LINC00632: variants seen among roughly 807,000 people sequenced by gnomAD.
The protein encoded by LINC00632 is long independently transcribed non-coding RNA 632.
chrX:140,746,098 GTATATATT>G (rs1260726596), intron 3 of LINC00632, among the ~76,000 whole-genome samples: 1 of 112,077 alleles, frequency 8.9e-6, no homozygotes. Flanking sequence ...AACTGTAGTA[GTATATATT>G]TATGGGGTAC....
exon 5 of LINC00632, among the ~76,000 whole-genome samples, chrX:140,780,896 C>T (rs140013227): frequency 8.4e-4 from 93 of 110,841 alleles, no homozygotes; most frequent in African/African-American, 4.6e-4. Context: ...ATTAGCCTCA[C>T]ATCCCAACCC....
intron 2 of LINC00632, among the ~76,000 whole-genome samples, chrX:140,724,198 A>G (rs1930851919): frequency 1.9e-5 from 1 of 51,321 alleles, no homozygotes; most frequent in African/African-American, 6.8e-5. Flanking sequence ...GTACACACAG[A>G]CACACATTCC....
chrX:140,717,070 C>T (rs778886546), intron 2 of LINC00632, among the ~76,000 whole-genome samples: 6 of 109,885 alleles, frequency 5.5e-5, no homozygotes, highest in South Asian at 8.1e-4. Context: ...CTGCAGCCTC[C>T]GCCTCCCAGG....
chrX:140,725,444 CACAT>C (rs1930942864), intron 2 of LINC00632, among the ~76,000 whole-genome samples: 2 of 110,313 alleles, frequency 1.8e-5, no homozygotes, highest in African/African-American at 6.5e-5. Flanking sequence ...TCCATGCACA[CACAT>C]AGACTCATTC....
chrX:140,742,154 A>G (rs1016069509), intron 3 of LINC00632, among the ~76,000 whole-genome samples: 1 of 111,938 alleles, frequency 8.9e-6, no homozygotes, highest in Admixed American at 9.5e-5. Flanking sequence ...TCTTACCTAA[A>G]GAAAGCTTTC....
exon 5 of LINC00632, among the ~76,000 whole-genome samples, chrX:140,788,405 A>T (rs1480138527): frequency 9.0e-6 from 1 of 110,562 alleles, no homozygotes; most frequent in African/African-American, 3.3e-5. Flanking sequence ...CAATCTAAGG[A>T]TTATTAATCC....
chrX:140,776,272 CTCG>C (rs1380690642), exon 5 of LINC00632, among the ~76,000 whole-genome samples: 1 of 86,697 alleles, frequency 1.2e-5, no homozygotes, highest in Non-Finnish European at 2.6e-5. Flanking sequence ...GAAAATTGGC[CTCG>C]GCCAGAAAGG....
At chrX:140,764,739 G>A (rs1237669395) in intron 3 of LINC00632, 1 of 112,013 alleles carries the variant, frequency 8.9e-6, no homozygotes, top group African/African-American at 3.2e-5. Context: ...AACCAAGCTT[G>A]TTTCCCTGGC....
rs1046689928 is a variant in LINC00632 at position 140,730,010 on chromosome X, G to A, written n.105-3868G>A. Among the ~76,000 whole-genome samples the A allele has an allele frequency of 8.2e-4, 89 of 108,094 alleles. 1 individual carries two copies. The highest frequency in any genetic ancestry group is 1.5e-3 in the Non-Finnish European group (79 of 52,331). The allele number at this position is 108,094 out of a possible 115,157, so 93.9% of individuals were successfully genotyped here. On this transcript the variant is annotated intron_variant and non_coding_transcript_variant, in intron 2 of 4. Coordinates refer to ENST00000648200, the Ensembl canonical transcript of LINC00632. Reference sequence around the variant, plus strand: ...TCCTGCCTCAGCCTCCCCAGTAGCTGAGACTACAGGCGCACGCCACCGTGC... The same window carrying A: ...TCCTGCCTCAGCCTCCCCAGTAGCTAAGACTACAGGCGCACGCCACCGTGC...
chrX:140,717,787 A>T (rs899321842), intron 2 of LINC00632, among the ~76,000 whole-genome samples: 2 of 111,717 alleles, frequency 1.8e-5, no homozygotes, highest in South Asian at 7.5e-4. Flanking sequence ...CAGTTTTCTC[A>T]GCTACTTGTT....
exon 5 of LINC00632, among the ~76,000 whole-genome samples, chrX:140,785,574 G>A (rs1182916032): frequency 1.8e-5 from 2 of 112,108 alleles, no homozygotes; most frequent in Non-Finnish European, 3.8e-5. Context: ...AAATGGTCTC[G>A]CTTGATCCTG....
chrX:140,761,272 G>C (rs1203138786), intron 3 of LINC00632, among the ~76,000 whole-genome samples: 2 of 112,546 alleles, frequency 1.8e-5, no homozygotes, highest in African/African-American at 6.5e-5. Flanking sequence ...CTGATGGGTT[G>C]CCCTAACCTT....
exon 5 of LINC00632, among the ~76,000 whole-genome samples, chrX:140,786,237 T>C (rs973880150): frequency 8.9e-6 from 1 of 112,427 alleles, no homozygotes; most frequent in African/African-American, 3.2e-5. Context: ...CAAAGTGCTG[T>C]CACCTCATTC....
intron 2 of LINC00632, among the ~76,000 whole-genome samples, chrX:140,720,754 C>T (rs1415432750): frequency 2.7e-5 from 3 of 111,769 alleles, no homozygotes; most frequent in Non-Finnish European, 3.8e-5. Context: ...ATGGACGTGT[C>T]CCATCATACA....
chrX:140,745,435 T>G (rs1440440810), intron 3 of LINC00632, among the ~76,000 whole-genome samples: 3 of 111,429 alleles, frequency 2.7e-5, no homozygotes, highest in African/African-American at 9.8e-5. Context: ...GAGGCTTCTG[T>G]TATCCATGCT....
At chrX:140,754,938 G>A (rs73234926) in intron 3 of LINC00632, among the ~76,000 whole-genome samples, 30,845 of 109,163 alleles carry the variant, frequency 0.28, 3,540 homozygotes, top group Non-Finnish European at 0.35. Flanking sequence ...TTGTGGTTGG[G>A]TCCTAGATAT....
At chrX:140,755,054 G>A (rs1298032484) in intron 3 of LINC00632, among the ~76,000 whole-genome samples, 3 of 111,603 alleles carry the variant, frequency 2.7e-5, no homozygotes, top group Non-Finnish European at 5.6e-5. Context: ...TAAAATCGGA[G>A]TCCCGGTAAT....
chrX:140,732,166 T>C lies in LINC00632; in HGVS notation n.105-1712T>C, dbSNP rs1340345368. 2.7e-5 allele frequency among the ~76,000 whole-genome samples: 3 copies of C among 110,946 alleles called. No individual in the cohort carries two copies. The East Asian group carries it at 8.6e-4, about 32-fold the overall frequency. On this transcript the variant is annotated intron_variant and non_coding_transcript_variant, in intron 2 of 4. Transcript: ENST00000648200. Reference sequence around the variant, plus strand: ...TTGCAGTGAGCCGAGATCGAGCCATTGCACTCCAGCCTGGGCGACAAGAGT... The same window carrying C: ...TTGCAGTGAGCCGAGATCGAGCCATCGCACTCCAGCCTGGGCGACAAGAGT...
At position 140,791,051 on chromosome X, in the gene LINC00632, A is replaced by G. The variant is rs1025906891; in HGVS notation, n.19070A>G. Among the ~76,000 whole-genome samples the G allele has an allele frequency of 1.5e-4, 17 of 111,348 alleles. No individual in the cohort carries two copies. The Admixed American group carries it at 1.6e-3, about 11-fold the overall frequency. On this transcript the variant is annotated non_coding_transcript_exon_variant, in exon 5 of 5. Transcript: ENST00000648200. ...TCCAGGACAATGCAGATTGATGTTG[A>G]TTAATAAAGAGCAGGCAACCTTCTG...
Sources: gnomAD v4.1 joint callset for allele counts (sites outside exome capture counted in the v4.1 genomes callset) on GRCh38, gnomAD v4.1.1 for gene constraint, MANE v1.5 for transcripts, NCBI Gene and HGNC (gene_info 2026-07-23, HGNC 2026-07-21) for gene names.